Variants in KHDRBS2 observed in about 807,000 individuals in gnomAD.
KHDRBS2 encodes KH domain-containing, RNA-binding, signal transduction-associated protein 2.
In KHDRBS2, 26 loss-of-function variants were observed where a neutral mutation model predicts 44.3. That is an observed-to-expected ratio of 0.59 (90% CI 0.43 to 0.81). The LOEUF (loss-of-function observed/expected upper bound fraction) is 0.81, where lower values mean the gene tolerates loss of function less well. KHDRBS2 is among the 40% of genes least tolerant of loss of function. KHDRBS2 has a pLI of 0.00. For synonymous variants in KHDRBS2, 194 were observed against 151.1 expected (o/e 1.28, Z -2.08); for missense variants, 476 against 433.1 (o/e 1.10, Z -0.88).
intron 7 of KHDRBS2, among the ~76,000 whole-genome samples, chr6:61,701,184 A>C (rs1467674181): frequency 6.6e-6 from 1 of 151,942 alleles, no homozygotes; most frequent in Non-Finnish European, 1.5e-5. Context: ...ACAAAGCCCA[A>C]CTATTGGTGA....
At chr6:62,217,913 C>G (rs1440328297) in intron 1 of KHDRBS2, among the ~76,000 whole-genome samples, 1 of 151,610 alleles carries the variant, frequency 6.6e-6, no homozygotes, top group African/African-American at 2.4e-5. Context: ...TAATTTGAAC[C>G]AATCCTTCAA....
intron 2 of KHDRBS2, among the ~76,000 whole-genome samples, chr6:62,162,701 A>C (rs1192373901): frequency 2.0e-5 from 3 of 152,118 alleles, no homozygotes; most frequent in African/African-American, 7.2e-5. Context: ...GTAGGAAGAC[A>C]GATTTCTGGT....
chr6:61,742,010 T>A (rs745399469), intron 6 of KHDRBS2, among the ~76,000 whole-genome samples: 6 of 152,076 alleles, frequency 3.9e-5, no homozygotes, highest in Non-Finnish European at 7.4e-5. Context: ...AATATTCTTA[T>A]GCAGTTGAGA....
At chr6:62,002,023 T>C (rs886407035) in intron 3 of KHDRBS2, among the ~76,000 whole-genome samples, 9 of 152,250 alleles carry the variant, frequency 5.9e-5, no homozygotes, top group African/African-American at 2.2e-4. Flanking sequence ...AGCTGAAGCA[T>C]AGAAAGTGTA....
At chr6:62,028,417 G>T (rs944346699) in intron 3 of KHDRBS2, among the ~76,000 whole-genome samples, 1 of 152,098 alleles carries the variant, frequency 6.6e-6, no homozygotes, top group East Asian at 1.9e-4. Flanking sequence ...ATATTAAAAC[G>T]TCATCTGTAT....
Position 62,225,045 on chromosome 6 carries a change from G to A in KHDRBS2, c.92-47733C>T, listed in dbSNP as rs74458453. 3.3e-3 allele frequency among the ~76,000 whole-genome samples: 507 copies of A among 152,268 alleles called. 3 individuals are homozygous for A. The highest frequency in any genetic ancestry group is 0.012 in the African/African-American group (485 of 41,550). On this transcript the variant is annotated intron_variant, in intron 1 of 8. Transcript: ENST00000281156. Reference sequence around the variant, plus strand: ...CCCTAGGGAGCACTTGGCACTGTCTGAATACATTTTTTATTTTTCATAACT... The same window carrying A: ...CCCTAGGGAGCACTTGGCACTGTCTAAATACATTTTTTATTTTTCATAACT...
the KHDRBS2 span, among the ~76,000 whole-genome samples, chr6:61,557,488 C>T: frequency 6.6e-6 from 1 of 152,248 alleles, no homozygotes; most frequent in Admixed American, 6.5e-5. Context: ...CTTCTGGAAG[C>T]TTTCATTGCC....
chr6:61,570,587 C>T, the KHDRBS2 span, among the ~76,000 whole-genome samples: 26,835 of 151,880 alleles, frequency 0.18, 2,647 homozygotes, highest in East Asian at 0.29. Flanking sequence ...GCAAATTCAT[C>T]GGAAAAAAAT....
intron 1 of KHDRBS2, among the ~76,000 whole-genome samples, chr6:62,231,577 C>T (rs935782493): frequency 3.9e-5 from 6 of 152,082 alleles, no homozygotes; most frequent in South Asian, 2.1e-4. Flanking sequence ...CATATTACCC[C>T]GCAATATAAA....
chr6:61,982,787 T>G (rs570039678), intron 3 of KHDRBS2, among the ~76,000 whole-genome samples: 1 of 151,848 alleles, frequency 6.6e-6, no homozygotes, highest in East Asian at 1.9e-4. Flanking sequence ...CAAGAAGTAA[T>G]TATATGGGCC....
At chr6:62,269,566 T>C (rs1839748045) in intron 1 of KHDRBS2, among the ~76,000 whole-genome samples, 1 of 152,032 alleles carries the variant, frequency 6.6e-6, no homozygotes, top group Non-Finnish European at 1.5e-5. Flanking sequence ...GTGGCTGTTG[T>C]TAAAAAGACT....
intron 6 of KHDRBS2, among the ~76,000 whole-genome samples, chr6:61,826,873 C>T (rs1790957266): frequency 1.3e-5 from 2 of 151,986 alleles, no homozygotes; most frequent in South Asian, 4.1e-4. Flanking sequence ...TTACAGAACC[C>T]AAAGCAATAT....
At chr6:62,099,752 C>T (rs1160266503) in intron 2 of KHDRBS2, among the ~76,000 whole-genome samples, 1 of 152,162 alleles carries the variant, frequency 6.6e-6, no homozygotes, top group African/African-American at 2.4e-5. Context: ...CCAAGGACCA[C>T]ATGCAGTAGA....
At chr6:61,600,765 C>A in the KHDRBS2 span, among the ~76,000 whole-genome samples, 1 of 152,164 alleles carries the variant, frequency 6.6e-6, no homozygotes, top group East Asian at 1.9e-4. Context: ...GAACATCTCA[C>A]CAATTTTAAA....
chr6:62,026,600 CT>C (rs1017822095), intron 3 of KHDRBS2, among the ~76,000 whole-genome samples: 4 of 148,362 alleles, frequency 2.7e-5, no homozygotes, highest in Admixed American at 1.4e-4. Flanking sequence ...GCTTGGTTAA[CT>C]TTTTTTTTTC....
At chr6:62,046,046 A>T (rs556215110) in intron 3 of KHDRBS2, among the ~76,000 whole-genome samples, 1 of 151,728 alleles carries the variant, frequency 6.6e-6, no homozygotes, top group Non-Finnish European at 1.5e-5. Flanking sequence ...TTAATATGTT[A>T]TTTTATTTAA....
chr6:61,629,510 C>T, the KHDRBS2 span, among the ~76,000 whole-genome samples: 2 of 152,150 alleles, frequency 1.3e-5, no homozygotes, highest in Non-Finnish European at 2.9e-5. Flanking sequence ...TCAGCATTCA[C>T]TTAATAGAAA....
At chr6:62,269,675 G>T (rs1839767729) in intron 1 of KHDRBS2, among the ~76,000 whole-genome samples, 1 of 151,988 alleles carries the variant, frequency 6.6e-6, no homozygotes, top group Non-Finnish European at 1.5e-5. Context: ...AAACTGTTTG[G>T]CAATTCCATA....
chr6:62,021,777 T>A (rs1782362892), intron 3 of KHDRBS2, among the ~76,000 whole-genome samples: 1 of 151,826 alleles, frequency 6.6e-6, no homozygotes, highest in South Asian at 2.1e-4. Flanking sequence ...CTTTCACTTT[T>A]GCAAACTAAT....
Sources: gnomAD v4.1 joint callset for allele counts (sites outside exome capture counted in the v4.1 genomes callset) on GRCh38, gnomAD v4.1.1 for gene constraint, MANE v1.5 for transcripts, NCBI Gene and HGNC (gene_info 2026-07-23, HGNC 2026-07-21) for gene names.